AGTPBP1: variants seen among roughly 807,000 people sequenced by gnomAD.
AGTPBP1 encodes the protein ATP/GTP binding carboxypeptidase 1.
A neutral mutation model predicts 143.9 loss-of-function variants in AGTPBP1; 70 were observed. The ratio of observed to expected loss-of-function variants is 0.49; its 90% CI spans 0.40 to 0.59. The LOEUF (loss-of-function observed/expected upper bound fraction) is 0.59, where lower values mean the gene tolerates loss of function less well. AGTPBP1 is among the 20% of genes least tolerant of loss of function. AGTPBP1 has a pLI of 0.00. For synonymous variants in AGTPBP1, 463 were observed against 500.2 expected (o/e 0.93, Z 0.99); for missense variants, 1,229 against 1,464.5 (o/e 0.84, Z 2.62).
chr9:85,633,422 C>T (rs968729984), intron 13 of AGTPBP1, 48 bp from the exon 14 acceptor site: 4 of 1,360,896 alleles, frequency 2.9e-6, no homozygotes, highest in Middle Eastern at 3.8e-4. Context: ...AATATTAAAA[C>T]ATATTAACAA....
At chr9:85,675,815 G>T (rs1013735655) in intron 6 of AGTPBP1, among the ~76,000 whole-genome samples, 1 of 152,140 alleles carries the variant, frequency 6.6e-6, no homozygotes, top group Non-Finnish European at 1.5e-5. Flanking sequence ...CATGAGGTCT[G>T]GAGTTTGAGA....
intron 9 of AGTPBP1, among the ~76,000 whole-genome samples, chr9:85,659,630 T>C (rs1371190748): frequency 2.0e-5 from 3 of 152,130 alleles, no homozygotes; most frequent in African/African-American, 7.2e-5. Flanking sequence ...TAATCATGGA[T>C]TGATTTCTAT....
At chr9:85,582,923 C>T (rs1828365508) in intron 23 of AGTPBP1, among the ~76,000 whole-genome samples, 1 of 152,050 alleles carries the variant, frequency 6.6e-6, no homozygotes, top group Non-Finnish European at 1.5e-5. Context: ...GCAAAAGGGG[C>T]TGTCCAGATT....
chr9:85,702,925 G>C (rs886852860), intron 2 of AGTPBP1, among the ~76,000 whole-genome samples: 1 of 152,072 alleles, frequency 6.6e-6, no homozygotes, highest in South Asian at 2.1e-4. Context: ...ATGAAATATT[G>C]TTCTCCCATC....
intron 23 of AGTPBP1, among the ~76,000 whole-genome samples, chr9:85,582,398 T>C (rs1691156225): frequency 6.6e-6 from 1 of 152,164 alleles, no homozygotes; most frequent in African/African-American, 2.4e-5. Flanking sequence ...CAATTTAGGC[T>C]GGGCGCGATG....
intron 17 of AGTPBP1, among the ~76,000 whole-genome samples, chr9:85,616,615 C>A (rs1250590825): frequency 6.6e-6 from 1 of 151,842 alleles, no homozygotes; most frequent in Non-Finnish European, 1.5e-5. Flanking sequence ...TCGTAAGGTG[C>A]ACCCACCATA....
At position 85,737,651 on chromosome 9, in the gene AGTPBP1, T is replaced by C. The variant is rs77969215; in HGVS notation, c.-34+4124A>G. On this transcript the variant is annotated intron_variant, in intron 1 of 25. Transcript: ENST00000357081. ...ATCTGCATAACACTGAACCAATATT[T>C]ACAAATGACCAAGGAATGATGTTAC... Among the ~76,000 whole-genome samples, 12 of 152,326 alleles carry C rather than the reference T, an allele frequency of 7.9e-5. No individual in the cohort carries two copies. In the East Asian group the frequency reaches 2.3e-3, roughly 29 times the overall value.
intron 1 of AGTPBP1, among the ~76,000 whole-genome samples, chr9:85,739,290 T>C (rs1837024492): frequency 6.6e-6 from 1 of 152,220 alleles, no homozygotes; most frequent in African/African-American, 2.4e-5. Flanking sequence ...AGCTCCCATC[T>C]TGCAGATGGC....
At chr9:85,772,421 C>T in the AGTPBP1 span, among the ~76,000 whole-genome samples, 1 of 152,034 alleles carries the variant, frequency 6.6e-6, no homozygotes, top group African/African-American at 2.4e-5. Flanking sequence ...AGTATTTTTA[C>T]TTCACATCAG....
intron 17 of AGTPBP1, among the ~76,000 whole-genome samples, chr9:85,614,499 G>A (rs765787222): frequency 1.3e-5 from 2 of 151,954 alleles, no homozygotes; most frequent in South Asian, 4.1e-4. Context: ...AAAACATCAC[G>A]TGCCTTAGTA....
chr9:85,739,637 G>A (rs575601405), intron 1 of AGTPBP1, among the ~76,000 whole-genome samples: 1 of 151,876 alleles, frequency 6.6e-6, no homozygotes, highest in African/African-American at 2.4e-5. Context: ...GAACCCGGGA[G>A]GCAGAGGCTG....
intron 11 of AGTPBP1, among the ~76,000 whole-genome samples, chr9:85,651,928 T>C (rs780071236): frequency 6.6e-6 from 1 of 152,224 alleles, no homozygotes; most frequent in Non-Finnish European, 1.5e-5. Context: ...TATTTGATCT[T>C]TGTCCCAGGT....
At chr9:85,622,309 A>T (rs1830984769) in intron 14 of AGTPBP1, among the ~76,000 whole-genome samples, 1 of 152,218 alleles carries the variant, frequency 6.6e-6, no homozygotes, top group African/African-American at 2.4e-5. Context: ...AAACACTGAC[A>T]GTCTTAAACT....
chr9:85,611,401 C>T (rs866640935), intron 17 of AGTPBP1, among the ~76,000 whole-genome samples: 1 of 150,366 alleles, frequency 6.7e-6, no homozygotes, highest in Non-Finnish European at 1.5e-5. Context: ...AAATTCAAAC[C>T]AATATAAAAA....
the AGTPBP1 span, among the ~76,000 whole-genome samples, chr9:85,752,656 A>G: frequency 6.6e-6 from 1 of 152,206 alleles, no homozygotes; most frequent in Admixed American, 6.5e-5. Flanking sequence ...ACTATACATT[A>G]TATGTATTGA....
At chr9:85,675,294 A>C (rs952243537) in intron 6 of AGTPBP1, among the ~76,000 whole-genome samples, 1 of 152,188 alleles carries the variant, frequency 6.6e-6, no homozygotes. Context: ...TTCTAGTCAA[A>C]GGGTGCCTTC....
At chr9:85,562,782 GTAAT>G (rs1298621158) in intron 25 of AGTPBP1, among the ~76,000 whole-genome samples, 2 of 152,150 alleles carry the variant, frequency 1.3e-5, no homozygotes, top group Admixed American at 1.3e-4. Context: ...ATTGTAAAGA[GTAAT>G]TATATAATAT....
chr9:85,624,957 T>C (rs943216862), intron 14 of AGTPBP1, among the ~76,000 whole-genome samples: 1 of 152,232 alleles, frequency 6.6e-6, no homozygotes, highest in Non-Finnish European at 1.5e-5. Flanking sequence ...TATCAGGGTA[T>C]AGACAGCTTT....
At chr9:85,798,230 C>A in the AGTPBP1 span, among the ~76,000 whole-genome samples, 2 of 152,040 alleles carry the variant, frequency 1.3e-5, no homozygotes, top group African/African-American at 4.8e-5. Context: ...TGATATACAC[C>A]TTTACTTGGA....
Sources: allele counts gnomAD v4.1 joint callset (sites outside exome capture counted in the v4.1 genomes callset), GRCh38; gene constraint gnomAD v4.1.1; transcripts MANE v1.5; gene names NCBI Gene and HGNC (gene_info 2026-07-23, HGNC 2026-07-21).